Variants in CACNA2D1 observed in about 807,000 individuals in gnomAD.
The protein encoded by CACNA2D1 is voltage-dependent calcium channel subunit alpha-2/delta-1.
CACNA2D1 carries 53 observed loss-of-function variants against 171.5 expected under a neutral mutation model. That is an observed-to-expected ratio of 0.31 (90% CI 0.25 to 0.39). CACNA2D1 has a LOEUF of 0.39. CACNA2D1 is among the 10% of genes least tolerant of loss of function. The probability of loss-of-function intolerance (pLI) is 1.00; values close to 1 mark genes in which losing one functional copy is unlikely to be tolerated. For synonymous variants in CACNA2D1, 442 were observed against 443.1 expected (o/e 1.00, Z 0.03); for missense variants, 903 against 1,299.8 (o/e 0.69, Z 4.69).
At chr7:82,201,909 T>C (rs1799474641) in intron 3 of CACNA2D1, among the ~76,000 whole-genome samples, 1 of 152,152 alleles carries the variant, frequency 6.6e-6, no homozygotes, top group Non-Finnish European at 1.5e-5. Flanking sequence ...TCTTCCTGAG[T>C]ACCCTCTGAA....
At chr7:82,165,064 C>A (rs1473578299) in intron 4 of CACNA2D1, among the ~76,000 whole-genome samples, 1 of 151,916 alleles carries the variant, frequency 6.6e-6, no homozygotes. Context: ...ACATTGGCAG[C>A]AATCCCAGGA....
At chr7:82,213,164 A>G (rs200000732) in intron 3 of CACNA2D1, among the ~76,000 whole-genome samples, 6 of 152,050 alleles carry the variant, frequency 3.9e-5, no homozygotes, top group Non-Finnish European at 7.4e-5. Flanking sequence ...GCCTCCCAAA[A>G]TGCTGGGATT....
At chr7:82,398,012 A>T (rs1825925368) in intron 1 of CACNA2D1, among the ~76,000 whole-genome samples, 1 of 152,254 alleles carries the variant, frequency 6.6e-6, no homozygotes, top group African/African-American at 2.4e-5. Flanking sequence ...AGGATTAGAT[A>T]GATGAAGAGA....
At chr7:82,158,519 T>C (rs1165976274) in intron 4 of CACNA2D1, among the ~76,000 whole-genome samples, 3 of 151,814 alleles carry the variant, frequency 2.0e-5, no homozygotes, top group African/African-American at 7.2e-5. Context: ...AAAAGTTGAG[T>C]TATGTTTGTT....
chr7:82,223,385 A>G (rs1260512690), intron 3 of CACNA2D1, among the ~76,000 whole-genome samples: 1 of 152,164 alleles, frequency 6.6e-6, no homozygotes, highest in Non-Finnish European at 1.5e-5. Context: ...GGTATCCACT[A>G]GGGTTGAAAT....
At chr7:82,060,783 A>G (rs1806794581) in intron 9 of CACNA2D1, among the ~76,000 whole-genome samples, 1 of 152,088 alleles carries the variant, frequency 6.6e-6, no homozygotes, top group South Asian at 2.1e-4. Context: ...ATGTTAAGTG[A>G]CAATTAAAAA....
intron 3 of CACNA2D1, among the ~76,000 whole-genome samples, chr7:82,325,933 C>T (rs1298320747): frequency 1.3e-5 from 2 of 152,142 alleles, no homozygotes; most frequent in Non-Finnish European, 2.9e-5. Context: ...GGCACTCCAG[C>T]TTCCTCCAGC....
At chr7:82,033,917 C>T (rs1034449550) in intron 11 of CACNA2D1, among the ~76,000 whole-genome samples, 1 of 152,140 alleles carries the variant, frequency 6.6e-6, no homozygotes, top group East Asian at 1.9e-4. Flanking sequence ...AAAATGTCAA[C>T]CCTAGGTTCA....
chr7:81,960,169 C>T (rs1476180730), intron 36 of CACNA2D1, among the ~76,000 whole-genome samples: 1 of 151,874 alleles, frequency 6.6e-6, no homozygotes, highest in Admixed American at 6.6e-5. Context: ...ATGCTTATGC[C>T]AAAGTTGCCT....
intron 3 of CACNA2D1, among the ~76,000 whole-genome samples, chr7:82,199,836 G>A (rs1001720550): frequency 2.0e-5 from 3 of 151,978 alleles, no homozygotes; most frequent in Non-Finnish European, 4.4e-5. Flanking sequence ...ACATCATTAC[G>A]AGAATGGATA....
At chr7:82,125,132 C>A (rs1171727430) in intron 5 of CACNA2D1, among the ~76,000 whole-genome samples, 2 of 152,036 alleles carry the variant, frequency 1.3e-5, no homozygotes, top group African/African-American at 4.8e-5. Context: ...TAAATAGCAA[C>A]GTAAATATGC....
At chr7:82,000,296 T>C (rs1298765704) in intron 18 of CACNA2D1, among the ~76,000 whole-genome samples, 1 of 151,824 alleles carries the variant, frequency 6.6e-6, no homozygotes, top group Non-Finnish European at 1.5e-5. Context: ...AAACAAAAAC[T>C]ATGTAGAGGC....
At chr7:82,330,695 C>T (rs1231040001) in intron 3 of CACNA2D1, among the ~76,000 whole-genome samples, 3 of 152,058 alleles carry the variant, frequency 2.0e-5, no homozygotes, top group African/African-American at 4.8e-5. Flanking sequence ...AAATTAATAG[C>T]CTTCCAGAAT....
intron 3 of CACNA2D1, among the ~76,000 whole-genome samples, chr7:82,179,273 A>G (rs1319626973): frequency 6.6e-6 from 1 of 152,054 alleles, no homozygotes; most frequent in African/African-American, 2.4e-5. Flanking sequence ...TGACTGCTGC[A>G]GATTCAAAAA....
intron 3 of CACNA2D1, among the ~76,000 whole-genome samples, chr7:82,278,557 TAAAAAAAAAA>T (rs59630150): frequency 1.9e-5 from 2 of 107,782 alleles, no homozygotes; most frequent in South Asian, 3.3e-4. Flanking sequence ...GACTCTGTCT[TAAAAAAAAAA>T]AAAAAAAAAA....
intron 4 of CACNA2D1, among the ~76,000 whole-genome samples, chr7:82,166,893 A>G: frequency 6.6e-6 from 1 of 152,032 alleles, no homozygotes; most frequent in East Asian, 1.9e-4. Flanking sequence ...GAATTGCATA[A>G]GTCCTTTGTT....
intron 3 of CACNA2D1, among the ~76,000 whole-genome samples, chr7:82,252,690 G>C (rs182697652): frequency 6.6e-6 from 1 of 152,154 alleles, no homozygotes; most frequent in African/African-American, 2.4e-5. Flanking sequence ...AAGAGATCGA[G>C]ACCATCTGGG....
intron 1 of CACNA2D1, among the ~76,000 whole-genome samples, chr7:82,393,663 G>A (rs908671776): frequency 1.3e-5 from 2 of 151,948 alleles, no homozygotes; most frequent in South Asian, 2.1e-4. Context: ...CTAAGCTCTC[G>A]GGTGTGGCTA....
chr7:82,010,584 G>C (rs544607987), intron 15 of CACNA2D1, among the ~76,000 whole-genome samples: 5 of 152,176 alleles, frequency 3.3e-5, no homozygotes, highest in African/African-American at 1.2e-4. Flanking sequence ...TTTGAAAAGT[G>C]CAACATTTTG....
Sources: gnomAD v4.1 joint callset for allele counts (sites outside exome capture counted in the v4.1 genomes callset) on GRCh38, gnomAD v4.1.1 for gene constraint, MANE v1.5 for transcripts, NCBI Gene and HGNC (gene_info 2026-07-23, HGNC 2026-07-21) for gene names.